Variants in OR6C74 observed in about 807,000 individuals in gnomAD.
The protein encoded by OR6C74 is olfactory receptor 6C74.
For synonymous variants in OR6C74, 142 were observed against 134.2 expected, an observed-to-expected ratio of 1.06 and a Z score of -0.40; for missense variants, 361 against 362.9, an observed-to-expected ratio of 0.99 and a Z score of 0.04.
Position 55,254,021 on chromosome 12 carries a change from T to C in OR6C74, c.*5795T>C, listed in dbSNP as rs1954327273. On this transcript the variant is annotated 3_prime_UTR_variant, in exon 2 of 2. Coordinates refer to ENST00000343399, the MANE Select transcript of OR6C74 (RefSeq NM_001005490.2). ...TGTTGTTCACTACTAAAGTGCATCA[T>C]GCAATATTGATAACTACTTCGGCCA... 6.6e-6 allele frequency among the ~76,000 whole-genome samples: 1 copy of C among 152,074 alleles called. No individual in the cohort carries two copies. Among genetic ancestry groups the C allele is most frequent in the Non-Finnish European group, 1.5e-5 (1 of 67,966 alleles).
rs913028765 is a variant in OR6C74 at position 55,244,802 on chromosome 12, G to A, written c.-25G>A. The stretch of plus-strand genomic sequence containing the variant: ...AACATCTTATTAATAAAAATCATGA[G>A]AAGAAATGAACCTAGGTAAGATTAA... On this transcript the variant is annotated 5_prime_UTR_variant, in exon 1 of 2. Transcript: ENST00000343399. Among the ~76,000 whole-genome samples the A allele has an allele frequency of 6.6e-6, 1 of 151,910 alleles. No individual in the cohort carries two copies. The highest frequency in any genetic ancestry group is 1.5e-5 in the Non-Finnish European group (1 of 67,900).
chr12:55,245,678 G>C (rs1954265981), intron 1 of OR6C74, among the ~76,000 whole-genome samples: 1 of 151,928 alleles, frequency 6.6e-6, no homozygotes, highest in Non-Finnish European at 1.5e-5. Context: ...TGTTTTGCTT[G>C]TTATTTTTAT....
At position 55,248,188 on chromosome 12, in the gene OR6C74, C is replaced by T; in HGVS notation, c.901C>T (p.His301Tyr). 1.2e-6 allele frequency: 2 copies of T among 1,611,618 alleles called. No individual in the cohort carries two copies. The highest frequency in any genetic ancestry group is 1.7e-6 in the Non-Finnish European group (2 of 1,178,586). Reference protein sequence around the residue: ...RNKQVKDVFKHTVKKIELFSM... With the variant: ...RNKQVKDVFKYTVKKIELFSM... Reference sequence around the variant, plus strand: ...CAAACAAGTAAAAGATGTTTTTAAGCACACAGTCAAAAAGATTGAACTTTT... The same window carrying T: ...CAAACAAGTAAAAGATGTTTTTAAGTACACAGTCAAAAAGATTGAACTTTT... The change falls in exon 2 of 2, where the codon CAC (histidine) becomes TAC (tyrosine). Residue 301 changes from histidine (H) to tyrosine (Y), a missense_variant. Physicochemically the swap from His to Tyr is moderately conservative, Grantham distance 83. Transcript: ENST00000343399.
chr12:55,248,098 G>A lies in OR6C74; in HGVS notation c.811G>A (p.Gly271Arg). The change falls in exon 2 of 2, where the codon GGG becomes AGG. Residue 271 changes from glycine (G) to arginine (R), a missense_variant. Coordinates refer to ENST00000343399, the MANE Select transcript of OR6C74 (RefSeq NM_001005490.2). ...SAKERVSLNK[G>R]IALLSTSVAP... ...AAAAGAAAGAGTGTCATTAAATAAA[G>A]GGATAGCTCTGCTCAGCACTTCTGT... 1.2e-6 allele frequency: 2 copies of A among 1,613,934 alleles called. No homozygotes were observed. The highest frequency in any genetic ancestry group is 1.7e-6 in the Non-Finnish European group (2 of 1,179,910).
At position 55,248,200 on chromosome 12, in the gene OR6C74, A is replaced by G; in HGVS notation, c.913A>G (p.Lys305Glu). Reference sequence around the variant, plus strand: ...AGATGTTTTTAAGCACACAGTCAAAAAGATTGAACTTTTCTCAATGAAATG... The same window carrying G: ...AGATGTTTTTAAGCACACAGTCAAAGAGATTGAACTTTTCTCAATGAAATG... ...VKDVFKHTVK[K>E]IELFSMK Residue 305 changes from lysine (K) to glutamate (E), a missense_variant, in exon 2 of 2, where the codon AAG (lysine) becomes GAG (glutamate). By Grantham distance (56) the Lys-to-Glu change is moderately conservative (BLOSUM62 1). Coordinates refer to ENST00000343399, the MANE Select transcript of OR6C74 (RefSeq NM_001005490.2). 6.2e-7 allele frequency: 1 copy of G among 1,608,214 alleles called. No homozygotes were observed. Among genetic ancestry groups the G allele is most frequent in the Non-Finnish European group, 8.5e-7 (1 of 1,176,290 alleles).
Position 55,250,770 on chromosome 12 carries a change from A to T in OR6C74, c.*2544A>T, listed in dbSNP as rs772867150. Among the ~76,000 whole-genome samples, 2 of 152,238 alleles carry T rather than the reference A, an allele frequency of 1.3e-5. No individual in the cohort carries two copies. Among genetic ancestry groups the T allele is most frequent in the Admixed American group, 6.5e-5 (1 of 15,276 alleles). ...ACCAGTATTAGGTTGGCGCAAAAGGAATTGCAGTTTCACCATTAAAAGTAA... is the reference window on the plus strand; with the variant it reads ...ACCAGTATTAGGTTGGCGCAAAAGGTATTGCAGTTTCACCATTAAAAGTAA... On this transcript the variant is annotated 3_prime_UTR_variant, in exon 2 of 2. Transcript: ENST00000343399.
chr12:55,247,404 GA>G lies in OR6C74; in HGVS notation c.119del (p.Asn40IlefsTer2). The G allele has an allele frequency of 1.2e-6, 2 of 1,612,618 alleles. No individual in the cohort carries two copies. Among genetic ancestry groups the G allele is most frequent in the Non-Finnish European group, 1.7e-6 (2 of 1,178,812 alleles). On this transcript the variant is annotated frameshift_variant, in exon 2 of 2. Coordinates refer to ENST00000343399, the MANE Select transcript of OR6C74 (RefSeq NM_001005490.2). LOFTEE classifies it low-confidence loss of function (END_TRUNC). ...TCACCTACATGTTGAGCATCACTGG[GA>G]ATCTAACCATCATCACTCTCACCCT... ...FFTYMLSITG[N>X]LTIITLTLLD...
Position 55,247,427 on chromosome 12 carries a change from C to T in OR6C74, c.140C>T (p.Thr47Ile), listed in dbSNP as rs1359112124. The T allele has an allele frequency of 1.2e-6, 2 of 1,613,642 alleles. No homozygotes were observed. Among genetic ancestry groups the T allele is most frequent in the Admixed American group, 3.3e-5 (2 of 60,024 alleles). ...GGGAATCTAACCATCATCACTCTCA[C>T]CCTACTGGATTTGCATCTCAAGACA... ...ITGNLTIITLTLLDLHLKTPM... is the reference protein window; with the variant it reads ...ITGNLTIITLILLDLHLKTPM... Residue 47 changes from threonine (T) to isoleucine (I), a missense_variant, in exon 2 of 2, where the codon ACC becomes ATC. Transcript: ENST00000343399.
At position 55,249,268 on chromosome 12, in the gene OR6C74, T is replaced by C. The variant is rs1954296719; in HGVS notation, c.*1042T>C. On this transcript the variant is annotated 3_prime_UTR_variant, in exon 2 of 2. Coordinates refer to ENST00000343399, the MANE Select transcript of OR6C74 (RefSeq NM_001005490.2). ...CATGTGCAGAGTATTTAAAAACTTT[T>C]CCTTTCAATAGTACCCTATCTCAGT... Among the ~76,000 whole-genome samples, 1 of 152,168 alleles carries C rather than the reference T, an allele frequency of 6.6e-6. No homozygotes were observed. Among genetic ancestry groups the C allele is most frequent in the South Asian group, 2.1e-4 (1 of 4,836 alleles).
chr12:55,249,609 G>A lies in OR6C74; in HGVS notation c.*1383G>A, dbSNP rs1954299275. 6.6e-6 allele frequency among the ~76,000 whole-genome samples: 1 copy of A among 151,986 alleles called. No homozygotes were observed. Among genetic ancestry groups the A allele is most frequent in the East Asian group, 1.9e-4 (1 of 5,188 alleles). Reference sequence around the variant, plus strand: ...CTGAGAAGCTGAGAAGATTCAAATAGACTTTTCAATAGTGGTCATGTATGT... The same window carrying A: ...CTGAGAAGCTGAGAAGATTCAAATAAACTTTTCAATAGTGGTCATGTATGT... On this transcript the variant is annotated 3_prime_UTR_variant, in exon 2 of 2. Coordinates refer to ENST00000343399, the MANE Select transcript of OR6C74 (RefSeq NM_001005490.2).
chr12:55,246,554 TG>T lies in OR6C74; in HGVS notation c.-9-724del, dbSNP rs140599740. On this transcript the variant is annotated intron_variant, in intron 1 of 1. Coordinates refer to ENST00000343399, the MANE Select transcript of OR6C74 (RefSeq NM_001005490.2). ...GTTTTGTAGGACCCTCCTCTGTCAC[TG>T]CAAATATTCTGCAAATGCACTACAT... is the stretch of plus-strand genomic sequence containing the variant. Among the ~76,000 whole-genome samples the T allele has an allele frequency of 1.0e-2, 1,519 of 152,318 alleles. 27 individuals are homozygous for T. The highest frequency in any genetic ancestry group is 0.037 in the East Asian group (191 of 5,180).
At position 55,255,149 on chromosome 12, in the gene OR6C74, C is replaced by T. The variant is rs1385452278; in HGVS notation, c.*6923C>T. On this transcript the variant is annotated 3_prime_UTR_variant, in exon 2 of 2. Coordinates refer to ENST00000343399, the MANE Select transcript of OR6C74 (RefSeq NM_001005490.2). ...AGGGTGGCCAGGTTGGGCAGGTTTT[C>T]TAGCTATCTCTTTAAAATAGTGGGG... Among the ~76,000 whole-genome samples, 2 of 152,026 alleles carry T rather than the reference C, an allele frequency of 1.3e-5. No individual in the cohort carries two copies. The highest frequency in any genetic ancestry group is 3.9e-4 in the East Asian group (2 of 5,162).
chr12:55,247,881 T>C lies in OR6C74; in HGVS notation c.594T>C (p.Leu198=). 6.2e-7 allele frequency: 1 copy of C among 1,613,906 alleles called. No homozygotes were observed. Among genetic ancestry groups the C allele is most frequent in the South Asian group, 1.1e-5 (1 of 91,072 alleles). The change falls in exon 2 of 2, where the codon CTT becomes CTC. Residue 198 remains leucine, a synonymous_variant. Transcript: ENST00000343399. ...TDTDIIELMM[L]LSAILTLLVT... ...CTGACATAATAGAATTAATGATGCT[T>C]CTCTCAGCCATTTTGACGCTCCTGG...
Position 55,250,528 on chromosome 12 carries a change from T to C in OR6C74, c.*2302T>C, listed in dbSNP as rs935904688. 2.6e-5 allele frequency among the ~76,000 whole-genome samples: 4 copies of C among 152,092 alleles called. No individual in the cohort carries two copies. Among genetic ancestry groups the C allele is most frequent in the African/African-American group, 9.7e-5 (4 of 41,426 alleles). On this transcript the variant is annotated 3_prime_UTR_variant, in exon 2 of 2. Transcript: ENST00000343399. ...GGCCTAAGTTACGATGGGAAAAGAT[T>C]AGTGAAGATCATTTTTTACTTAATT...
At chr12:55,245,971 T>C (rs76952816) in intron 1 of OR6C74, among the ~76,000 whole-genome samples, 158 of 152,322 alleles carry the variant, frequency 1.0e-3, no homozygotes, top group African/African-American at 3.1e-3. Context: ...ATTTATTTTG[T>C]AATCATTTAT....
In OR6C74 at chr12:55,247,953, T is replaced by C; in HGVS notation, c.666T>C (p.Thr222=). ...VILSYTNIIR[T]ILKIPSSQQR... ...TCTCCTACACAAATATTATCAGGAC[T>C]ATTCTGAAAATACCTTCTTCTCAAC... The change falls in exon 2 of 2, where the codon ACT becomes ACC. Residue 222 remains threonine (T), a synonymous_variant. Coordinates refer to ENST00000343399, the MANE Select transcript of OR6C74 (RefSeq NM_001005490.2). The C allele has an allele frequency of 6.2e-7, 1 of 1,614,012 alleles. No homozygotes were observed. The highest frequency in any genetic ancestry group is 8.5e-7 in the Non-Finnish European group (1 of 1,179,876).
Position 55,249,549 on chromosome 12 carries a change from A to AAT in OR6C74, c.*1334_*1335dup, listed in dbSNP as rs1415148330. On this transcript the variant is annotated 3_prime_UTR_variant, in exon 2 of 2. Coordinates refer to ENST00000343399, the MANE Select transcript of OR6C74 (RefSeq NM_001005490.2). Reference sequence around the variant, plus strand: ...TTACAAGCATTAGTGAGAAGCTTTAAATATATATATATCTAAATAAATATT... The same window carrying AAT: ...TTACAAGCATTAGTGAGAAGCTTTAAATATATATATATATCTAAATAAATATT... Among the ~76,000 whole-genome samples the AAT allele has an allele frequency of 2.6e-5, 4 of 151,892 alleles. No homozygotes were observed. The highest frequency in any genetic ancestry group is 6.6e-5 in the Admixed American group (1 of 15,244).
chr12:55,247,759 C>T lies in OR6C74; in HGVS notation c.472C>T (p.Leu158Phe), dbSNP rs371934640. Residue 158 changes from leucine to phenylalanine, a missense_variant, in exon 2 of 2, where the codon CTC becomes TTC. Leu to Phe is a conservative substitution (Grantham distance 22, BLOSUM62 0). Transcript: ENST00000343399. ...TGGCTTCCTAATAATTTTTCCGCCA[C>T]TCCTGATGGGTCTCCAGCTTGATTT... ...MAGFLIIFPP[L>F]LMGLQLDFCA... The T allele has an allele frequency of 6.2e-7, 1 of 1,613,902 alleles. No individual in the cohort carries two copies. The highest frequency in any genetic ancestry group is 8.5e-7 in the Non-Finnish European group (1 of 1,179,994).
At position 55,255,286 on chromosome 12, in the gene OR6C74, G is replaced by A. The variant is rs1954336234; in HGVS notation, c.*7060G>A. The stretch of plus-strand genomic sequence containing the variant: ...GGGGACTGGGAGGCAAAGGGAACGA[G>A]GAAACAACAGATGTTGGTGAGGATG... On this transcript the variant is annotated 3_prime_UTR_variant, in exon 2 of 2. Coordinates refer to ENST00000343399, the MANE Select transcript of OR6C74 (RefSeq NM_001005490.2). 6.6e-6 allele frequency among the ~76,000 whole-genome samples: 1 copy of A among 152,076 alleles called. No individual in the cohort carries two copies. The highest frequency in any genetic ancestry group is 1.5e-5 in the Non-Finnish European group (1 of 67,998).
Sources: allele counts gnomAD v4.1 joint callset (sites outside exome capture counted in the v4.1 genomes callset), GRCh38; gene constraint gnomAD v4.1.1; transcripts MANE v1.5; gene names NCBI Gene and HGNC (gene_info 2026-07-23, HGNC 2026-07-21).